ARHGDIB: variants seen among roughly 807,000 people sequenced by gnomAD.
ARHGDIB encodes Rho GDP dissociation inhibitor beta, also known as rho GDP-dissociation inhibitor 2.
In ARHGDIB, 20 loss-of-function variants were observed where a neutral mutation model predicts 22.6. The ratio of observed to expected loss-of-function variants is 0.88; its 90% CI spans 0.62 to 1.28. ARHGDIB has a LOEUF of 1.28. Ranked by LOEUF, ARHGDIB falls within the 50% of genes most tolerant of loss-of-function variation. The probability of loss-of-function intolerance (pLI) is 0.00; values close to 1 mark genes in which losing one functional copy is unlikely to be tolerated. For missense variants in ARHGDIB, 254 were observed against 245.4 expected (o/e 1.04, Z -0.23); for synonymous variants, 114 against 96.1 (o/e 1.19, Z -1.09).
chr12:14,950,496 G>C, intron 2 of ARHGDIB, 36 bp downstream of exon 2: 1 of 1,554,722 alleles, frequency 6.4e-7, no homozygotes, highest in Non-Finnish European at 8.7e-7. Context: ...CCCTCTCAGC[G>C]ATCTTCCACC....
intron 1 of ARHGDIB, among the ~76,000 whole-genome samples, chr12:14,954,401 G>A (rs1432224856): frequency 2.0e-5 from 3 of 152,234 alleles, no homozygotes; most frequent in Admixed American, 6.5e-5. Flanking sequence ...GTCTGAGGGC[G>A]CATGACCACA....
intron 1 of ARHGDIB, among the ~76,000 whole-genome samples, chr12:14,952,018 T>C (rs1472329759): frequency 6.6e-6 from 1 of 152,080 alleles, no homozygotes; most frequent in Non-Finnish European, 1.5e-5. Context: ...GTTTTCTGAT[T>C]TCCTTAATTC....
intron 1 of ARHGDIB, chr12:14,956,144 A>G (rs1237526953): frequency 6.6e-6 from 1 of 152,192 alleles, no homozygotes; most frequent in Non-Finnish European, 1.5e-5. Flanking sequence ...TTATAATAAA[A>G]TTAGAGTTTG....
intron 3 of ARHGDIB, among the ~76,000 whole-genome samples, chr12:14,949,281 A>G (rs1220806646): frequency 2.0e-5 from 3 of 152,154 alleles, no homozygotes; most frequent in African/African-American, 7.2e-5. Context: ...AAAGAAAATA[A>G]CATCTTAATT....
intron 1 of ARHGDIB, among the ~76,000 whole-genome samples, chr12:14,954,276 C>T (rs531672336): frequency 6.6e-6 from 1 of 152,246 alleles, no homozygotes; most frequent in Non-Finnish European, 1.5e-5. Context: ...CAGAAGCTTG[C>T]TTTTTCCTGG....
At chr12:14,943,381 T>TG (rs765796810) in intron 5 of ARHGDIB, among the ~76,000 whole-genome samples, 4 of 50,826 alleles carry the variant, frequency 7.9e-5, no homozygotes, top group Admixed American at 6.0e-4. Context: ...AAGCCTGTTT[T>TG]TTTTTTTTTT....
chr12:14,952,362 A>G (rs1000681706), intron 1 of ARHGDIB, among the ~76,000 whole-genome samples: 1 of 151,858 alleles, frequency 6.6e-6, no homozygotes, highest in African/African-American at 2.4e-5. Flanking sequence ...GCCAAACATT[A>G]TGAGCTAGCC....
intron 4 of ARHGDIB, among the ~76,000 whole-genome samples, chr12:14,947,048 GA>G (rs34150033): frequency 4.0e-5 from 6 of 151,738 alleles, no homozygotes; most frequent in Non-Finnish European, 7.4e-5. Context: ...GTACCTTGGG[GA>G]AAAAAGTTCC....
In ARHGDIB at chr12:14,942,713, C is replaced by T; in HGVS notation, c.415G>A (p.Ala139Thr). The change falls in exon 6 of 6, where the codon GCA becomes ACA. Residue 139 changes from alanine to threonine, a missense_variant. Coordinates refer to ENST00000228945, the MANE Select transcript of ARHGDIB (RefSeq NM_001175.7). Reference sequence around the variant, plus strand: ...CCATAGCTGCCAACCATAAATGTTGCTTTATCCACTAAGAAGAAAGAAGAG... The same window carrying T: ...CCATAGCTGCCAACCATAAATGTTGTTTTATCCACTAAGAAGAAAGAAGAG... ...TYRTGVKVDK[A>T]TFMVGSYGPR... is the part of the protein sequence containing the mutation. The T allele has an allele frequency of 1.9e-6, 3 of 1,613,860 alleles. No homozygotes were observed. The highest frequency in any genetic ancestry group is 2.2e-5 in the East Asian group (1 of 44,870).
intron 5 of ARHGDIB, among the ~76,000 whole-genome samples, chr12:14,943,345 A>C (rs1863921140): frequency 6.6e-6 from 1 of 151,332 alleles, no homozygotes; most frequent in Admixed American, 6.6e-5. Context: ...AAGTTGGGGA[A>C]CCAGTGGCCT....
At chr12:14,947,994 C>G in intron 3 of ARHGDIB, 45 bp from the exon 4 acceptor site, 1 of 1,516,348 alleles carries the variant, frequency 6.6e-7, no homozygotes, top group South Asian at 1.1e-5. Flanking sequence ...AAAGCAGATA[C>G]ACAAGTTAAT....
Position 14,955,799 on chromosome 12 carries a change from A to G in ARHGDIB, c.-12-5075T>C, listed in dbSNP as rs74694652. Among the ~76,000 whole-genome samples the G allele has an allele frequency of 1.7e-3, 262 of 152,360 alleles. 2 individuals are homozygous for G. Among genetic ancestry groups the G allele is most frequent in the Non-Finnish European group, 3.2e-3 (216 of 68,034 alleles). ...TCCTATTTTATGGATGTGTGTTGAA[A>G]TGAGAATAGGAATTTTATGAAAATT... On this transcript the variant is annotated intron_variant, in intron 1 of 5. Transcript: ENST00000228945.
intron 1 of ARHGDIB, among the ~76,000 whole-genome samples, chr12:14,957,465 T>C (rs1381619730): frequency 2.0e-5 from 3 of 152,200 alleles, no homozygotes; most frequent in Non-Finnish European, 4.4e-5. Flanking sequence ...ATTTTTGTCT[T>C]TGAGGAGTAT....
intron 1 of ARHGDIB, among the ~76,000 whole-genome samples, chr12:14,952,435 T>C (rs749409900): frequency 6.6e-6 from 1 of 152,116 alleles, no homozygotes; most frequent in Admixed American, 6.5e-5. Context: ...GAAGAAAACA[T>C]GTAGGCCTGT....
chr12:14,943,164 G>T (rs1371555120), intron 5 of ARHGDIB, among the ~76,000 whole-genome samples: 1 of 151,908 alleles, frequency 6.6e-6, no homozygotes, highest in Non-Finnish European at 1.5e-5. Flanking sequence ...CACCGCACCT[G>T]GCCCTGAGGC....
In ARHGDIB at chr12:14,945,241, C is replaced by A. The variant is rs543033145; in HGVS notation, c.343-402G>T. ...AAAAGTTATGAAGATACCAATAGAG[C>A]ACATTATGTAAATATCTAAAAACCA... On this transcript the variant is annotated intron_variant, in intron 4 of 5. Transcript: ENST00000228945. Among the ~76,000 whole-genome samples the A allele has an allele frequency of 3.9e-5, 6 of 152,266 alleles. No homozygotes were observed. In the South Asian group the frequency reaches 1.2e-3, roughly 32 times the overall value.
intron 1 of ARHGDIB, among the ~76,000 whole-genome samples, chr12:14,954,307 A>T (rs955274520): frequency 6.6e-6 from 1 of 152,190 alleles, no homozygotes; most frequent in Non-Finnish European, 1.5e-5. Flanking sequence ...GATCATTGAC[A>T]CAACTTAGTC....
intron 1 of ARHGDIB, among the ~76,000 whole-genome samples, chr12:14,958,554 A>G (rs145291944): frequency 1.3e-5 from 2 of 152,338 alleles, no homozygotes; most frequent in East Asian, 3.9e-4. Context: ...AGCTTTGCTG[A>G]GTGCCCAACG....
chr12:14,949,587 G>A lies in ARHGDIB; in HGVS notation c.265+215C>T, dbSNP rs10846092. 0.49 allele frequency among the ~76,000 whole-genome samples: 73,868 copies of A among 152,030 alleles called. 18,316 individuals are homozygous for A. The highest frequency in any genetic ancestry group is 0.54 in the Non-Finnish European group (36,754 of 67,966). ...ATCTGTAAATATATCAAATGTGTATGCCTGCACTCTCTTCAATTAAATAGA... is the reference window on the plus strand; with the variant it reads ...ATCTGTAAATATATCAAATGTGTATACCTGCACTCTCTTCAATTAAATAGA... On this transcript the variant is annotated intron_variant, in intron 3 of 5. Transcript: ENST00000228945.
Sources: gnomAD v4.1 joint callset for allele counts (sites outside exome capture counted in the v4.1 genomes callset) on GRCh38, gnomAD v4.1.1 for gene constraint, MANE v1.5 for transcripts, NCBI Gene and HGNC (gene_info 2026-07-23, HGNC 2026-07-21) for gene names.